CBLB: variants seen among roughly 807,000 people sequenced by gnomAD.
CBLB encodes E3 ubiquitin-protein ligase CBL-B.
In CBLB, 31 loss-of-function variants were observed where a neutral mutation model predicts 104.9. The observed-to-expected ratio is 0.30, with a 90% confidence interval of 0.22 to 0.40. The LOEUF (loss-of-function observed/expected upper bound fraction) is 0.40. CBLB is among the 10% of genes least tolerant of loss of function. CBLB has a pLI of 1.00. For missense variants in CBLB, 1,062 were observed against 1,214.6 expected, an observed-to-expected ratio of 0.87 and a Z score of 1.87; for synonymous variants, 440 against 422.6, an observed-to-expected ratio of 1.04 and a Z score of -0.51.
chr3:105,719,754 C>T (rs1225124123), intron 10 of CBLB, among the ~76,000 whole-genome samples: 11 of 151,958 alleles, frequency 7.2e-5, no homozygotes, highest in Non-Finnish European at 1.5e-4. Context: ...AAAAGTTAAC[C>T]GTAACATAGT....
At chr3:105,795,160 A>G (rs373663949) in intron 3 of CBLB, among the ~76,000 whole-genome samples, 181 of 152,140 alleles carry the variant, frequency 1.2e-3, no homozygotes, top group African/African-American at 4.2e-3. Flanking sequence ...GATCTGCCCA[A>G]CTCGGCCTCC....
intron 3 of CBLB, among the ~76,000 whole-genome samples, chr3:105,810,326 T>TA (rs938273293): frequency 2.0e-5 from 3 of 152,144 alleles, no homozygotes; most frequent in African/African-American, 7.2e-5. Context: ...AAAATCTTTT[T>TA]AAAAAAATGT....
In CBLB at chr3:105,678,440, G is replaced by A. The variant is rs746644112; in HGVS notation, c.2560C>T (p.Leu854Phe). ...GGCTTTTCCCTCCTACCTGAAGGAA[G>A]AAGAAAAAGATCCTGTCCTGAGGAT... ...RPSSGQDLFL[L>F]PSDPFVDLAS... Residue 854 changes from leucine (L) to phenylalanine (F), a missense_variant, in exon 17 of 19, where the codon CTT (leucine) becomes TTT (phenylalanine). Leu to Phe is a conservative substitution (Grantham distance 22, BLOSUM62 0). Coordinates refer to ENST00000394030, the MANE Select transcript of CBLB (RefSeq NM_170662.5). The A allele has an allele frequency of 1.2e-6, 2 of 1,613,988 alleles. No homozygotes were observed. Among genetic ancestry groups the A allele is most frequent in the African/African-American group, 1.3e-5 (1 of 75,016 alleles).
At chr3:105,827,388 T>C (rs1012554521) in intron 3 of CBLB, among the ~76,000 whole-genome samples, 16 of 152,188 alleles carry the variant, frequency 1.1e-4, no homozygotes, top group South Asian at 2.1e-4. Flanking sequence ...CTTGTAAGTG[T>C]TATTACTTAG....
intron 6 of CBLB, among the ~76,000 whole-genome samples, chr3:105,745,158 C>T (rs2075982142): frequency 6.6e-6 from 1 of 152,296 alleles, no homozygotes; most frequent in East Asian, 1.9e-4. Flanking sequence ...ATCCCTACTG[C>T]CGTACTCAGC....
In CBLB at chr3:105,706,935, T is replaced by G. The variant is rs542589890; in HGVS notation, c.1408-2762A>C. Among the ~76,000 whole-genome samples, 3 of 152,304 alleles carry G rather than the reference T, an allele frequency of 2.0e-5. No individual in the cohort carries two copies. The South Asian group carries it at 6.2e-4, about 32-fold the overall frequency. On this transcript the variant is annotated intron_variant, in intron 10 of 18. Coordinates refer to ENST00000394030, the MANE Select transcript of CBLB (RefSeq NM_170662.5). ...GCAAATATTTTCCTACTTCTCTCAT[T>G]AACTGAAACAAGACACAGAATTGTG...
At chr3:105,704,238 A>G (rs1301774000) in intron 10 of CBLB, 65 bp from the exon 11 acceptor site, 4 of 1,487,070 alleles carry the variant, frequency 2.7e-6, no homozygotes, top group East Asian at 4.5e-5. Flanking sequence ...CTGTTCTTAA[A>G]GAATATATTT....
At chr3:105,700,561 G>A (rs2068952677) in intron 12 of CBLB, among the ~76,000 whole-genome samples, 1 of 151,998 alleles carries the variant, frequency 6.6e-6, no homozygotes, top group Non-Finnish European at 1.5e-5. Context: ...CTTTTGAGGA[G>A]GAGCTCCCCA....
At chr3:105,670,769 C>T (rs1489164977) in intron 17 of CBLB, 1 of 182,412 alleles carries the variant, frequency 5.5e-6, no homozygotes, top group Admixed American at 5.7e-5. Context: ...AGAGTATTAT[C>T]AAATTACTTG....
At chr3:105,743,499 A>G (rs1036256463) in intron 6 of CBLB, among the ~76,000 whole-genome samples, 1 of 151,396 alleles carries the variant, frequency 6.6e-6, no homozygotes. Context: ...ATATATGCAT[A>G]TAAAATGAAG....
intron 3 of CBLB, among the ~76,000 whole-genome samples, chr3:105,811,753 G>A (rs1020819676): frequency 2.0e-5 from 3 of 150,968 alleles, no homozygotes; most frequent in Admixed American, 1.3e-4. Context: ...CTTGTTCTCC[G>A]GGCTGGAGTG....
At chr3:105,869,115 G>A (rs1706735666), upstream of CBLB, 2 of 889,282 alleles carry the variant, frequency 2.2e-6, no homozygotes, top group Non-Finnish European at 2.9e-6. Context: ...CGCACTGCCC[G>A]ACAGCGGGTG....
At position 105,848,131 on chromosome 3, in the gene CBLB, G is replaced by A. The variant is rs374974011; in HGVS notation, c.419+5283C>T. Among the ~76,000 whole-genome samples the A allele has an allele frequency of 9.2e-5, 14 of 152,048 alleles. No individual in the cohort carries two copies. The South Asian group carries it at 2.9e-3, about 32-fold the overall frequency. On this transcript the variant is annotated intron_variant, in intron 3 of 18. Coordinates refer to ENST00000394030, the MANE Select transcript of CBLB (RefSeq NM_170662.5). ...ACCCAGCTGGAGTAGCACCAACTCA[G>A]TGTGACATTGAACTGTTTGCAGGAA...
At position 105,867,564 on chromosome 3, in the gene CBLB, A is replaced by G; in HGVS notation, c.14T>C (p.Met5Thr). 6.2e-7 allele frequency: 1 copy of G among 1,614,172 alleles called. No individual in the cohort carries two copies. The highest frequency in any genetic ancestry group is 8.5e-7 in the Non-Finnish European group (1 of 1,180,030). Residue 5 changes from methionine to threonine, a missense_variant, in exon 2 of 19, where the codon ATG becomes ACG. Coordinates refer to ENST00000394030, the MANE Select transcript of CBLB (RefSeq NM_170662.5). ...TCGACCACCAGGGTTTCTGCCATTCATTGAGTTTGCCATCTGGAATTTTAG... is the reference window on the plus strand; with the variant it reads ...TCGACCACCAGGGTTTCTGCCATTCGTTGAGTTTGCCATCTGGAATTTTAG... MANS[M>T]NGRNPGGRGG... is the part of the protein sequence containing the mutation.
intron 6 of CBLB, among the ~76,000 whole-genome samples, chr3:105,741,627 C>T (rs1576782338): frequency 6.6e-6 from 1 of 152,176 alleles, no homozygotes; most frequent in South Asian, 2.1e-4. Flanking sequence ...GATCTCCTGA[C>T]CTGGTGATCT....
Position 105,718,687 on chromosome 3 carries a change from T to G in CBLB, c.1407+1360A>C, listed in dbSNP as rs147113951. On this transcript the variant is annotated intron_variant, in intron 10 of 18. Transcript: ENST00000394030. ...CTACAGTGGAAGATCTTCAGGGCTG[T>G]GTTGAAAGGCTCTGTTGGCCAAGTC... 5.4e-3 allele frequency among the ~76,000 whole-genome samples: 823 copies of G among 152,312 alleles called. 9 individuals are homozygous for G. The highest frequency in any genetic ancestry group is 0.019 in the African/African-American group (775 of 41,556).
rs138283865 is a variant in CBLB at position 105,732,127 on chromosome 3, C to G, written c.1203+1882G>C. On this transcript the variant is annotated intron_variant, in intron 9 of 18. Transcript: ENST00000394030. Reference sequence around the variant, plus strand: ...ATTTGTTTTCTTTGTTAGTTTAACACGTATCCTGAAACACTGAATGATTAT... The same window carrying G: ...ATTTGTTTTCTTTGTTAGTTTAACAGGTATCCTGAAACACTGAATGATTAT... 2.2e-3 allele frequency among the ~76,000 whole-genome samples: 334 copies of G among 152,322 alleles called. 2 individuals are homozygous for G. The highest frequency in any genetic ancestry group is 7.9e-3 in the African/African-American group (327 of 41,578).
intron 3 of CBLB, among the ~76,000 whole-genome samples, chr3:105,786,677 C>G (rs1393504794): frequency 1.3e-5 from 2 of 152,186 alleles, no homozygotes; most frequent in African/African-American, 4.8e-5. Flanking sequence ...CTTAAATCCA[C>G]AGTCTAAAAT....
At chr3:105,790,734 CAGA>C (rs768579217) in intron 3 of CBLB, among the ~76,000 whole-genome samples, 1 of 152,134 alleles carries the variant, frequency 6.6e-6, no homozygotes, top group East Asian at 1.9e-4. Context: ...AGAGCAAATG[CAGA>C]AGAACGTGCC....
Sources: allele counts gnomAD v4.1 joint callset (sites outside exome capture counted in the v4.1 genomes callset), GRCh38; gene constraint gnomAD v4.1.1; transcripts MANE v1.5; gene names NCBI Gene and HGNC (gene_info 2026-07-23, HGNC 2026-07-21).